The following PCDHGB1 variants were observed in gnomAD, a reference collection of about 807,000 sequenced individuals.
The protein encoded by PCDHGB1 is protocadherin gamma subfamily B, 1.
Under a neutral mutation model 56.6 loss-of-function variants are expected in PCDHGB1, and 34 were observed. The ratio of observed to expected loss-of-function variants is 0.60; its 90% CI spans 0.46 to 0.80. The LOEUF (loss-of-function observed/expected upper bound fraction) is 0.80, where lower values mean the gene tolerates loss of function less well. Among genes scored for constraint, PCDHGB1 ranks in the 30% least tolerant of loss-of-function variants. The probability of loss-of-function intolerance (pLI) is 0.00; values close to 1 mark genes in which losing one functional copy is unlikely to be tolerated. For missense variants in PCDHGB1, 1,278 were observed against 1,204.6 expected, an observed-to-expected ratio of 1.06 and a Z score of -0.90; for synonymous variants, 561 against 505.9, an observed-to-expected ratio of 1.11 and a Z score of -1.46.
chr5:141,413,842 G>C, intron 1 of PCDHGB1: 1 of 1,613,294 alleles, frequency 6.2e-7, no homozygotes, highest in Non-Finnish European at 8.5e-7. Flanking sequence ...CGACGGGGGT[G>C]ACCCTCTCCG....
chr5:141,374,832 G>C, intron 1 of PCDHGB1: 13 of 1,613,908 alleles, frequency 8.1e-6, no homozygotes, highest in Non-Finnish European at 1.1e-5. Context: ...TACCGTGTAA[G>C]TGTTCCTGAA....
chr5:141,422,535 A>T lies in PCDHGB1; in HGVS notation c.2409+69866A>T, dbSNP rs760963618. On this transcript the variant is annotated intron_variant, in intron 1 of 3. Transcript: ENST00000523390. ...AGGGAAGCCCGCCTTTGTCTGCAGA[A>T]ACTCATGTCTGGCTGAATGTGGCAG... 20 of 1,613,826 alleles carry T rather than the reference A, an allele frequency of 1.2e-5. 1 individual carries two copies. Among genetic ancestry groups the T allele is most frequent in the Non-Finnish European group, 8.5e-7 (1 of 1,179,882 alleles).
chr5:141,352,463 G>T lies in PCDHGB1; in HGVS notation c.2203G>T (p.Val735Phe), dbSNP rs779356890. 8 of 1,614,020 alleles carry T rather than the reference G, an allele frequency of 5.0e-6. No individual in the cohort carries two copies. Among genetic ancestry groups the T allele is most frequent in the Non-Finnish European group, 6.8e-6 (8 of 1,179,902 alleles). ...TGLCSKSGPGVPPNHSEGTLP... is the reference protein window; with the variant it reads ...TGLCSKSGPGFPPNHSEGTLP... Reference sequence around the variant, plus strand: ...TCTCTGCTCCAAGTCTGGGCCCGGGGTTCCTCCCAACCACAGCGAGGGGAC... The same window carrying T: ...TCTCTGCTCCAAGTCTGGGCCCGGGTTTCCTCCCAACCACAGCGAGGGGAC... Residue 735 changes from valine (V) to phenylalanine (F), a missense_variant, in exon 1 of 4, where the codon GTT becomes TTT. Val to Phe is a conservative substitution (Grantham distance 50). Transcript: ENST00000523390.
rs1416883218 is a variant in PCDHGB1, at chr5:141,428,027, G to A, written c.2410-66780G>A. On this transcript the variant is annotated intron_variant, in intron 1 of 3. Coordinates refer to ENST00000523390, the MANE Select transcript of PCDHGB1 (RefSeq NM_018922.3). ...TCGATATAGTGCCACGCGCCGCAGAGTCCGGCTACCTGGTGACCAAGGTGG... is the reference window on the plus strand; with the variant it reads ...TCGATATAGTGCCACGCGCCGCAGAATCCGGCTACCTGGTGACCAAGGTGG... 1.9e-6 allele frequency: 3 copies of A among 1,606,742 alleles called. No homozygotes were observed. The Admixed American group carries it at 5.0e-5, about 27-fold the overall frequency.
Position 141,511,617 on chromosome 5 carries a change from C to T in PCDHGB1, c.*444C>T, listed in dbSNP as rs1562253545. The T allele has an allele frequency of 4.3e-6, 1 of 233,232 alleles. No homozygotes were observed. Among genetic ancestry groups the T allele is most frequent in the African/African-American group, 2.2e-5 (1 of 45,220 alleles). The allele number at this position is 233,232 out of a possible 1,614,324, so 14.4% of individuals were successfully genotyped here. A position where few individuals can be genotyped will look rare whatever the true frequency, so the allele number is the denominator to read the frequency against. Reference sequence around the variant, plus strand: ...CAAGTAACCTACAAGCCTCCTAGTTCTGAAAAGTTGGAAGGGCATCATGAC... The same window carrying T: ...CAAGTAACCTACAAGCCTCCTAGTTTTGAAAAGTTGGAAGGGCATCATGAC... On this transcript the variant is annotated 3_prime_UTR_variant, in exon 4 of 4. Coordinates refer to ENST00000523390, the MANE Select transcript of PCDHGB1 (RefSeq NM_018922.3).
chr5:141,478,372 G>A (rs778468803), intron 1 of PCDHGB1: 2 of 1,613,704 alleles, frequency 1.2e-6, no homozygotes, highest in Non-Finnish European at 8.5e-7. Flanking sequence ...GAGGCCTGAT[G>A]TCGCCGCACC....
rs1190445239 is a variant in PCDHGB1 at position 141,431,331 on chromosome 5, A to T, written c.2410-63476A>T. 1 of 1,614,062 alleles carries T rather than the reference A, an allele frequency of 6.2e-7. No individual in the cohort carries two copies. The highest frequency in any genetic ancestry group is 1.7e-5 in the Admixed American group (1 of 60,026). On this transcript the variant is annotated intron_variant, in intron 1 of 3. Coordinates refer to ENST00000523390, the MANE Select transcript of PCDHGB1 (RefSeq NM_018922.3). The surrounding 1 kb of genome is among the most constrained non-coding windows in gnomAD (Gnocchi z 4.8). ...CAAAATGGAGCCGACGGTAGTAAGT[A>T]CCCCGAATTGGTGCTGAAACGCGCC...
intron 1 of PCDHGB1, chr5:141,441,910 G>A: frequency 2.9e-6 from 1 of 349,440 alleles, no homozygotes; most frequent in Non-Finnish European, 5.5e-6. Flanking sequence ...AGACGCAGAT[G>A]TGAGACACAA....
intron 1 of PCDHGB1, chr5:141,468,330 C>CAAAAAAAAAAAAAAAAGAAAAAAAAAAA (rs2099163578): frequency 1.3e-5 from 1 of 79,888 alleles, no homozygotes; most frequent in African/African-American, 3.9e-5. Flanking sequence ...AACTCCATCT[C>CAAAAAAAAAAAAAAAAGAAAAAAAAAAA]AAAAAAAAAA....
In PCDHGB1 at chr5:141,489,584, A is replaced by G. The variant is rs775720718; in HGVS notation, c.2410-5223A>G. Reference sequence around the variant, plus strand: ...CAGGTGGTGACTGAACACCCCCTGGAGCTAATCCGTGTAGAGGTAGAGATC... The same window carrying G: ...CAGGTGGTGACTGAACACCCCCTGGGGCTAATCCGTGTAGAGGTAGAGATC... On this transcript the variant is annotated intron_variant, in intron 1 of 3. Coordinates refer to ENST00000523390, the MANE Select transcript of PCDHGB1 (RefSeq NM_018922.3). The surrounding 1 kb of genome is among the most constrained non-coding windows in gnomAD (Gnocchi z 4.5). The G allele has an allele frequency of 6.2e-7, 1 of 1,614,054 alleles. No homozygotes were observed. Among genetic ancestry groups the G allele is most frequent in the South Asian group, 1.1e-5 (1 of 91,078 alleles).
intron 1 of PCDHGB1, chr5:141,441,665 A>ACAGTG (rs936537442): frequency 7.5e-6 from 2 of 265,720 alleles, no homozygotes; most frequent in African/African-American, 4.7e-5. Flanking sequence ...CCTTGAGCGC[A>ACAGTG]CAGTGCGCCT....
rs1330784633 is a variant in PCDHGB1 at position 141,476,330 on chromosome 5, G to A, written c.2410-18477G>A. On this transcript the variant is annotated intron_variant, in intron 1 of 3. Transcript: ENST00000523390. This position sits in a 1 kb window ranked among gnomAD's most constrained non-coding sequence, Gnocchi z 7.6. ...CCGCAGGTTCCGGGTGGTGTCTGGA[G>A]CTAGCCGAAGATTCTTTGAGGTGAA... The A allele has an allele frequency of 1.2e-6, 2 of 1,614,092 alleles. No homozygotes were observed. The highest frequency in any genetic ancestry group is 1.6e-4 in the Middle Eastern group (1 of 6,084).
intron 1 of PCDHGB1, among the ~76,000 whole-genome samples, chr5:141,458,513 G>T (rs968604511): frequency 6.8e-6 from 1 of 146,128 alleles, no homozygotes; most frequent in Non-Finnish European, 1.5e-5. Flanking sequence ...TTGACACTTT[G>T]TTTTTTTTTT....
rs111925753 is a variant in PCDHGB1, at chr5:141,357,231, C to T, written c.2409+4562C>T. 6.2e-6 allele frequency: 10 copies of T among 1,613,868 alleles called. 1 individual carries two copies. The Admixed American group carries it at 8.3e-5, about 13-fold the overall frequency. The stretch of plus-strand genomic sequence containing the variant: ...CAGATGTCCTGGCTGACTTGGGCAG[C>T]CTCAAGCCTTCAGCAGACCCAGACG... On this transcript the variant is annotated intron_variant, in intron 1 of 3. Coordinates refer to ENST00000523390, the MANE Select transcript of PCDHGB1 (RefSeq NM_018922.3).
chr5:141,407,982 G>A (rs976187867), intron 1 of PCDHGB1: 3 of 782,892 alleles, frequency 3.8e-6, no homozygotes, highest in Non-Finnish European at 5.7e-6. Context: ...CCGGGGATCC[G>A]TCAGCCTCTG....
rs369044087 is a variant in PCDHGB1 at position 141,389,106 on chromosome 5, C to G, written c.2409+36437C>G. On this transcript the variant is annotated intron_variant, in intron 1 of 3. Coordinates refer to ENST00000523390, the MANE Select transcript of PCDHGB1 (RefSeq NM_018922.3). ...GTATAAATTAGTGACAGATGCTGTTCTAGACCGCGAGCAGAATCCAGAGTA... is the reference window on the plus strand; with the variant it reads ...GTATAAATTAGTGACAGATGCTGTTGTAGACCGCGAGCAGAATCCAGAGTA... 73 of 1,613,908 alleles carry G rather than the reference C, an allele frequency of 4.5e-5. No individual in the cohort carries two copies. The highest frequency in any genetic ancestry group is 1.7e-5 in the Admixed American group (1 of 60,018).
chr5:141,490,051 G>T lies in PCDHGB1; in HGVS notation c.2410-4756G>T, dbSNP rs779280988. On this transcript the variant is annotated intron_variant, in intron 1 of 3. Coordinates refer to ENST00000523390, the MANE Select transcript of PCDHGB1 (RefSeq NM_018922.3). The surrounding 1 kb of genome is among the most constrained non-coding windows in gnomAD (Gnocchi z 5.4). ...CCGCCTCAATGCCACTGATCCAGACGAGGGCACCAACGGCCAACTAGACTA... is the reference window on the plus strand; with the variant it reads ...CCGCCTCAATGCCACTGATCCAGACTAGGGCACCAACGGCCAACTAGACTA... 3 of 1,614,214 alleles carry T rather than the reference G, an allele frequency of 1.9e-6. No homozygotes were observed. The Middle Eastern group carries it at 4.9e-4, about 266-fold the overall frequency.
intron 1 of PCDHGB1, among the ~76,000 whole-genome samples, chr5:141,443,866 T>C (rs1017854695): frequency 6.6e-6 from 1 of 151,986 alleles, no homozygotes; most frequent in Non-Finnish European, 1.5e-5. Context: ...ACTGAAAAAA[T>C]TACTGATAAG....
At chr5:141,410,847 G>GTT (rs773839667) in intron 1 of PCDHGB1, 4 of 158,332 alleles carry the variant, frequency 2.5e-5, no homozygotes, top group South Asian at 1.1e-4. Flanking sequence ...TTTTGTCTTT[G>GTT]TCTTTTTTTT....
Sources: allele counts gnomAD v4.1 joint callset (sites outside exome capture counted in the v4.1 genomes callset), GRCh38; gene constraint gnomAD v4.1.1; non-coding constraint Gnocchi (gnomAD v3.1); transcripts MANE v1.5; gene names NCBI Gene and HGNC (gene_info 2026-07-23, HGNC 2026-07-21).